Variants in DYM observed in about 807,000 individuals in gnomAD.
The protein encoded by DYM is dymeclin.
Under a neutral mutation model 93.1 loss-of-function variants are expected in DYM, and 78 were observed. That is an observed-to-expected ratio of 0.84 (90% CI 0.70 to 1.01). The LOEUF (loss-of-function observed/expected upper bound fraction) is 1.01. Among genes scored for constraint, DYM ranks in the 50% least tolerant of loss-of-function variants. The pLI is 0.00. For synonymous variants in DYM, 321 were observed against 319.7 expected, an observed-to-expected ratio of 1.00 and a Z score of -0.04; for missense variants, 789 against 845.0, an observed-to-expected ratio of 0.93 and a Z score of 0.82.
At chr18:49,387,355 C>T (rs1189681858) in intron 3 of DYM, among the ~76,000 whole-genome samples, 1 of 152,172 alleles carries the variant, frequency 6.6e-6, no homozygotes. Context: ...CGGCTCACCG[C>T]AACCTCTGCC....
intron 6 of DYM, among the ~76,000 whole-genome samples, chr18:49,348,068 T>C (rs2064757547): frequency 3.3e-5 from 5 of 152,160 alleles, no homozygotes; most frequent in Admixed American, 2.0e-4. Flanking sequence ...ACTGCACTGC[T>C]AGGGCACAGT....
In DYM at chr18:49,044,271, T is replaced by C. The variant is rs986028589; in HGVS notation, c.2026-67A>G. On this transcript the variant is annotated intron_variant, in intron 17 of 17. Coordinates refer to ENST00000675505, the MANE Select transcript of DYM (RefSeq NM_001353214.3). ...TGCACAAGCAAAAGTGGTGAGAGTT[T>C]GCAGGTGGTGCTGTGGTGTGCGGGG... 7 of 1,590,108 alleles carry C rather than the reference T, an allele frequency of 4.4e-6. No homozygotes were observed. In the African/African-American group the frequency reaches 9.4e-5, roughly 21 times the overall value.
At chr18:49,156,417 G>GC (rs200255658) in intron 15 of DYM, among the ~76,000 whole-genome samples, 76 of 149,828 alleles carry the variant, frequency 5.1e-4, no homozygotes, top group Middle Eastern at 7.0e-3. Flanking sequence ...CTCAAACCAC[G>GC]CCCCCCCCTC....
At chr18:49,303,387 TGTATAATGAGAG>T (rs2061068387) in intron 8 of DYM, among the ~76,000 whole-genome samples, 3 of 152,212 alleles carry the variant, frequency 2.0e-5, no homozygotes, top group African/African-American at 7.2e-5. Context: ...ATTCTAATAC[TGTATAATGAGAG>T]GTTTACAAAG....
chr18:49,374,761 C>T (rs2067335017), intron 5 of DYM, among the ~76,000 whole-genome samples: 1 of 152,124 alleles, frequency 6.6e-6, no homozygotes, highest in African/African-American at 2.4e-5. Context: ...GAGTTCAAGA[C>T]CAGCCTGACC....
intron 2 of DYM, among the ~76,000 whole-genome samples, chr18:49,426,703 C>T (rs1204429535): frequency 6.6e-6 from 1 of 151,518 alleles, no homozygotes; most frequent in Non-Finnish European, 1.5e-5. Flanking sequence ...CCAAAACTTG[C>T]TGAACTGGGT....
chr18:49,449,120 C>T (rs1048691043), intron 1 of DYM, among the ~76,000 whole-genome samples: 1 of 152,168 alleles, frequency 6.6e-6, no homozygotes, highest in Non-Finnish European at 1.5e-5. Flanking sequence ...GGTGATGTCA[C>T]TAGGGTTCAA....
At chr18:49,426,559 A>T (rs1447855377) in intron 2 of DYM, among the ~76,000 whole-genome samples, 1 of 151,598 alleles carries the variant, frequency 6.6e-6, no homozygotes, top group African/African-American at 2.4e-5. Context: ...AAATAATAAT[A>T]AAAAAATTAA....
At chr18:49,441,294 TATAATTATATATAATTAA>T (rs1568455002) in intron 1 of DYM, among the ~76,000 whole-genome samples, 3 of 49,816 alleles carry the variant, frequency 6.0e-5, no homozygotes, top group Non-Finnish European at 9.4e-5. Context: ...TTATATATAA[TATAATTATATATAATTAA>T]TATATAATTA....
chr18:49,315,225 A>AG (rs1007574717), intron 8 of DYM, among the ~76,000 whole-genome samples: 11 of 151,874 alleles, frequency 7.2e-5, no homozygotes, highest in East Asian at 5.8e-4. Flanking sequence ...AAAAAAAAAA[A>AG]AAGAAGAAAG....
intron 13 of DYM, among the ~76,000 whole-genome samples, chr18:49,223,679 A>T (rs2093435959): frequency 6.6e-6 from 1 of 152,052 alleles, no homozygotes; most frequent in South Asian, 2.1e-4. Flanking sequence ...AATAGATGAG[A>T]TTTTGCCTGA....
At chr18:49,151,461 C>A (rs570776923) in intron 15 of DYM, among the ~76,000 whole-genome samples, 4 of 152,124 alleles carry the variant, frequency 2.6e-5, no homozygotes, top group Non-Finnish European at 5.9e-5. Flanking sequence ...AATAAAGTGG[C>A]ATTTATAAAA....
intron 13 of DYM, among the ~76,000 whole-genome samples, chr18:49,243,312 C>A (rs2094078869): frequency 1.3e-5 from 2 of 152,118 alleles, no homozygotes; most frequent in Non-Finnish European, 2.9e-5. Context: ...CAGAAAATAT[C>A]TGATAAATGA....
chr18:49,408,487 C>T (rs1477294042), intron 2 of DYM, among the ~76,000 whole-genome samples: 1 of 152,176 alleles, frequency 6.6e-6, no homozygotes, highest in East Asian at 1.9e-4. Context: ...TGATGAATGT[C>T]GCAAATTATA....
At chr18:49,391,704 A>C (rs2069275847) in intron 2 of DYM, 59 bp from the exon 3 acceptor site, 3 of 1,387,336 alleles carry the variant, frequency 2.2e-6, no homozygotes, top group East Asian at 2.3e-5. Context: ...TGTACATGCT[A>C]ATCAGTTAAA....
chr18:49,136,043 C>A (rs1194697222), intron 15 of DYM, among the ~76,000 whole-genome samples: 3 of 152,238 alleles, frequency 2.0e-5, no homozygotes. Flanking sequence ...TCAAGGTCAA[C>A]AGCAGTGAAG....
chr18:49,395,011 T>G (rs1345253330), intron 2 of DYM, among the ~76,000 whole-genome samples: 1 of 150,978 alleles, frequency 6.6e-6, no homozygotes, highest in Non-Finnish European at 1.5e-5. Context: ...CAGACTTAAA[T>G]GTACTACCTG....
chr18:49,182,869 C>G (rs1041425654), intron 14 of DYM, among the ~76,000 whole-genome samples: 2 of 152,092 alleles, frequency 1.3e-5, no homozygotes, highest in African/African-American at 4.8e-5. Flanking sequence ...AGTCCCTGTT[C>G]TATATACTGT....
chr18:49,381,328 C>A (rs1034406921), intron 3 of DYM, among the ~76,000 whole-genome samples: 3 of 152,144 alleles, frequency 2.0e-5, no homozygotes. Context: ...GGAATAAGTA[C>A]AGCATTACAG....
Sources: gnomAD v4.1 joint callset for allele counts (sites outside exome capture counted in the v4.1 genomes callset) on GRCh38, gnomAD v4.1.1 for gene constraint, MANE v1.5 for transcripts, NCBI Gene and HGNC (gene_info 2026-07-23, HGNC 2026-07-21) for gene names.